The following PRDM10 variants were observed in gnomAD, a reference collection of about 807,000 sequenced individuals.
The protein encoded by PRDM10 is PR/SET domain 10, also known as PR domain zinc finger protein 10.
In PRDM10, 65 loss-of-function variants were observed where a neutral mutation model predicts 133.1. That is an observed-to-expected ratio of 0.49 (90% CI 0.40 to 0.60). The LOEUF (loss-of-function observed/expected upper bound fraction) is 0.60, where lower values mean the gene tolerates loss of function less well. Among genes scored for constraint, PRDM10 ranks in the 20% least tolerant of loss-of-function variants. PRDM10 has a pLI of 0.00. For synonymous variants in PRDM10, 582 were observed against 580.4 expected (o/e 1.00, Z -0.04); for missense variants, 1,137 against 1,507.1 (o/e 0.75, Z 4.07).
intron 1 of PRDM10, among the ~76,000 whole-genome samples, chr11:129,978,050 A>G (rs550657152): frequency 3.9e-5 from 6 of 152,160 alleles, no homozygotes; most frequent in African/African-American, 1.2e-4. Context: ...AGAAAAGCTA[A>G]TAAGCCTTTG....
Position 129,944,572 on chromosome 11 carries a change from A to G in PRDM10, c.762+199T>C, listed in dbSNP as rs564976704. On this transcript the variant is annotated intron_variant, in intron 6 of 20. Transcript: ENST00000360871. ...TGCACTCCAGCCTGGGCGACAGAGC[A>G]AGACTCCGTCTCAAAAAAAAAAAAA... Among the ~76,000 whole-genome samples the G allele has an allele frequency of 4.7e-3, 692 of 148,498 alleles. 5 individuals carry two copies. The highest frequency in any genetic ancestry group is 0.014 in the African/African-American group (538 of 39,412).
At chr11:130,000,113 A>G (rs1302046973) in intron 1 of PRDM10, among the ~76,000 whole-genome samples, 1 of 145,048 alleles carries the variant, frequency 6.9e-6, no homozygotes, top group Admixed American at 7.3e-5. Context: ...GCCCGATCTC[A>G]GCTCACTGTA....
intron 1 of PRDM10, among the ~76,000 whole-genome samples, chr11:129,968,030 G>A (rs1412305016): frequency 6.6e-6 from 1 of 152,168 alleles, no homozygotes; most frequent in African/African-American, 2.4e-5. Context: ...TTCATCAGCT[G>A]CACACAGAGG....
intron 11 of PRDM10, 35 bp from the exon 12 acceptor site, chr11:129,925,264 T>A: frequency 1.3e-6 from 2 of 1,550,292 alleles, no homozygotes; most frequent in South Asian, 1.2e-5. Context: ...CATTTAGTGA[T>A]GAAATTAAGA....
chr11:129,952,422 C>G (rs1951603441), intron 4 of PRDM10, among the ~76,000 whole-genome samples: 1 of 152,090 alleles, frequency 6.6e-6, no homozygotes, highest in East Asian at 1.9e-4. Flanking sequence ...AATCAATTAT[C>G]AAAATAATTT....
chr11:129,991,257 A>T (rs1413064889), intron 1 of PRDM10, among the ~76,000 whole-genome samples: 1 of 152,264 alleles, frequency 6.6e-6, no homozygotes, highest in Non-Finnish European at 1.5e-5. Context: ...AAGATATTTT[A>T]ATACATTTTC....
chr11:129,929,502 C>T (rs891499762), intron 11 of PRDM10: 16 of 1,255,164 alleles, frequency 1.3e-5, no homozygotes, highest in Non-Finnish European at 1.7e-5. Flanking sequence ...TGGTCATTAC[C>T]AATCTGGATA....
At chr11:129,986,609 G>C (rs547085790) in intron 1 of PRDM10, among the ~76,000 whole-genome samples, 2 of 152,020 alleles carry the variant, frequency 1.3e-5, no homozygotes, top group African/African-American at 4.8e-5. Flanking sequence ...GGCTGGTCTC[G>C]AACTCCTGGG....
In PRDM10 at chr11:129,935,150, A is replaced by G; in HGVS notation, c.1108T>C (p.Leu370=). 1 of 1,614,116 alleles carries G rather than the reference A, an allele frequency of 6.2e-7. No homozygotes were observed. Among genetic ancestry groups the G allele is most frequent in the Non-Finnish European group, 8.5e-7 (1 of 1,179,952 alleles). ...TCATGAGAATTGAGATGCTGTTGCA[A>G]CTGCTCCGAGCTTATAAATCGGCGG... is the stretch of plus-strand genomic sequence containing the variant. ...CNRRFISSEQ[L]QQHLNSHDEK... Residue 370 remains leucine, a synonymous_variant, in exon 9 of 21, where the codon TTG becomes CTG. Transcript: ENST00000360871.
chr11:129,901,980 A>G lies in PRDM10; in HGVS notation c.*333T>C. On this transcript the variant is annotated 3_prime_UTR_variant, in exon 21 of 21. Transcript: ENST00000360871. Reference sequence around the variant, plus strand: ...TCCTGTCTCCACCTTTGGTATGAACACAATATGCCACTTAATATTTCCACA... The same window carrying G: ...TCCTGTCTCCACCTTTGGTATGAACGCAATATGCCACTTAATATTTCCACA... 1 of 234,196 alleles carries G rather than the reference A, an allele frequency of 4.3e-6. No individual in the cohort carries two copies. The allele number at this position is 234,196 out of a possible 1,614,324, so 14.5% of individuals were successfully genotyped here.
rs187300353 is a variant in PRDM10, at chr11:129,913,945, T to C, written c.2841+759A>G. 4.3e-3 allele frequency among the ~76,000 whole-genome samples: 661 copies of C among 152,340 alleles called. 3 individuals carry two copies. Among genetic ancestry groups the C allele is most frequent in the African/African-American group, 0.015 (633 of 41,584 alleles). ...GTCAATAAGAATGAGTTATTCATTA[T>C]CTGGTAGAAGGAACACAGTTATACC... On this transcript the variant is annotated intron_variant, in intron 17 of 20. Transcript: ENST00000360871.
chr11:129,916,477 A>G (rs185117474), intron 15 of PRDM10, among the ~76,000 whole-genome samples: 61 of 152,258 alleles, frequency 4.0e-4, no homozygotes, highest in African/African-American at 1.3e-3. Context: ...GTCTCTACTA[A>G]AAATACAAAA....
intron 1 of PRDM10, among the ~76,000 whole-genome samples, chr11:130,001,451 A>G (rs1455950611): frequency 6.6e-6 from 1 of 152,184 alleles, no homozygotes; most frequent in African/African-American, 2.4e-5. Flanking sequence ...ATTTGGGGTG[A>G]CGAGACAGGC....
intron 19 of PRDM10, among the ~76,000 whole-genome samples, chr11:129,905,942 C>T (rs1390676726): frequency 1.3e-5 from 2 of 152,348 alleles, no homozygotes; most frequent in South Asian, 4.1e-4. Flanking sequence ...GTGTCAGAGA[C>T]AATCAGTGCA....
At chr11:129,965,805 T>A (rs1951896084) in intron 1 of PRDM10, among the ~76,000 whole-genome samples, 3 of 152,132 alleles carry the variant, frequency 2.0e-5, no homozygotes, top group Admixed American at 2.0e-4. Context: ...GTCTAGTTGT[T>A]TTTTTCCTGA....
chr11:129,949,886 A>AT (rs1344540899), intron 4 of PRDM10, among the ~76,000 whole-genome samples: 1 of 151,666 alleles, frequency 6.6e-6, no homozygotes, highest in Non-Finnish European at 1.5e-5. Context: ...GTGAGCTGAG[A>AT]TCACGCCATT....
At chr11:129,932,391 CT>C (rs2135819323) in intron 9 of PRDM10, among the ~76,000 whole-genome samples, 160 bp from the exon 10 acceptor site, 1 of 152,362 alleles carries the variant, frequency 6.6e-6, no homozygotes, top group East Asian at 1.9e-4. Flanking sequence ...CTAATATACA[CT>C]TTCTGAATGT....
intron 1 of PRDM10, among the ~76,000 whole-genome samples, chr11:129,975,361 G>T (rs1937702965): frequency 1.3e-5 from 2 of 151,744 alleles, no homozygotes; most frequent in South Asian, 4.1e-4. Flanking sequence ...GGAGGCGGAG[G>T]TTGCAGTGAG....
intron 1 of PRDM10, among the ~76,000 whole-genome samples, 186 bp downstream of exon 1, chr11:130,002,536 C>A (rs1240499583): frequency 6.6e-6 from 1 of 152,060 alleles, no homozygotes; most frequent in African/African-American, 2.4e-5. Context: ...ATTTCTCCCC[C>A]CCACCACCAC....
Sources: allele counts gnomAD v4.1 joint callset (sites outside exome capture counted in the v4.1 genomes callset), GRCh38; gene constraint gnomAD v4.1.1; transcripts MANE v1.5; gene names NCBI Gene and HGNC (gene_info 2026-07-23, HGNC 2026-07-21).